The following SGCZ variants were observed in gnomAD, a reference collection of about 807,000 sequenced individuals.
The protein encoded by SGCZ is zeta-sarcoglycan.
SGCZ carries 40 observed loss-of-function variants against 41.3 expected under a neutral mutation model. That is an observed-to-expected ratio of 0.97 (90% CI 0.75 to 1.26). The LOEUF is 1.26. Ranked by LOEUF, SGCZ falls within the 50% of genes most tolerant of loss-of-function variation. The pLI, the probability that SGCZ is intolerant of heterozygous loss-of-function variation, is 0.00. For missense variants in SGCZ, 552 were observed against 369.8 expected (o/e 1.49, Z -4.04); for synonymous variants, 206 against 137.5 (o/e 1.50, Z -3.49).
At chr8:14,819,917 A>C (rs140191783) in intron 1 of SGCZ, among the ~76,000 whole-genome samples, 1 of 152,064 alleles carries the variant, frequency 6.6e-6, no homozygotes, top group Non-Finnish European at 1.5e-5. Flanking sequence ...AAAACCACCA[A>C]ACTACTAAAG....
At chr8:14,951,397 T>C (rs575307586) in intron 1 of SGCZ, among the ~76,000 whole-genome samples, 44 of 152,126 alleles carry the variant, frequency 2.9e-4, no homozygotes, top group African/African-American at 1.0e-3. Context: ...TCAAATTCGT[T>C]GTCAATAGGT....
chr8:15,158,830 G>C (rs1013173728), intron 1 of SGCZ, among the ~76,000 whole-genome samples: 2 of 152,168 alleles, frequency 1.3e-5, no homozygotes, highest in Admixed American at 6.5e-5. Context: ...CAGGGAGAAA[G>C]ATCCTAGAAA....
intron 1 of SGCZ, among the ~76,000 whole-genome samples, chr8:14,669,818 T>A (rs913047939): frequency 6.6e-6 from 1 of 152,026 alleles, no homozygotes; most frequent in Non-Finnish European, 1.5e-5. Flanking sequence ...AGTGCAGATA[T>A]CTCATCGAGA....
At chr8:15,109,141 T>C (rs1472007008) in intron 1 of SGCZ, among the ~76,000 whole-genome samples, 1 of 152,094 alleles carries the variant, frequency 6.6e-6, no homozygotes, top group African/African-American at 2.4e-5. Context: ...AAAACAAATA[T>C]TTGGTAAAAT....
chr8:14,797,505 G>A lies in SGCZ; in HGVS notation c.40-242579C>T, dbSNP rs956785336. On this transcript the variant is annotated intron_variant, in intron 1 of 7. Transcript: ENST00000382080. ...ATCTGGCAGAAGAAATCTCTAAGTG[G>A]CAAAGCATTCAAGAGGATGGCTAGC... 1.2e-4 allele frequency among the ~76,000 whole-genome samples: 19 copies of A among 152,178 alleles called. 1 individual carries two copies. Among genetic ancestry groups the A allele is most frequent in the African/African-American group, 4.6e-4 (19 of 41,440 alleles).
intron 1 of SGCZ, among the ~76,000 whole-genome samples, chr8:14,865,939 T>G (rs2130691121): frequency 6.6e-6 from 1 of 152,234 alleles, no homozygotes; most frequent in African/African-American, 2.4e-5. Context: ...TGTCATTAAT[T>G]TGCCTCTATA....
At chr8:15,087,658 A>G (rs1805999971) in intron 1 of SGCZ, among the ~76,000 whole-genome samples, 1 of 152,078 alleles carries the variant, frequency 6.6e-6, no homozygotes, top group Non-Finnish European at 1.5e-5. Context: ...AATAAGATTG[A>G]TTTTGTTTTC....
At chr8:14,395,486 A>G (rs1345706548) in intron 2 of SGCZ, among the ~76,000 whole-genome samples, 2 of 152,198 alleles carry the variant, frequency 1.3e-5, no homozygotes, top group African/African-American at 2.4e-5. Flanking sequence ...CAATGGCAGA[A>G]TACACTTGGG....
At chr8:14,521,866 AC>A (rs1434635938) in intron 2 of SGCZ, among the ~76,000 whole-genome samples, 4 of 152,118 alleles carry the variant, frequency 2.6e-5, no homozygotes, top group African/African-American at 9.7e-5. Flanking sequence ...TAAATTTTTC[AC>A]CATCAAGCAT....
chr8:14,151,108 A>G (rs1386662877), intron 5 of SGCZ, among the ~76,000 whole-genome samples: 1 of 152,156 alleles, frequency 6.6e-6, no homozygotes, highest in Non-Finnish European at 1.5e-5. Context: ...GACCTGTTTG[A>G]TAGCACAATA....
chr8:14,105,222 T>C (rs778204420), intron 6 of SGCZ, among the ~76,000 whole-genome samples: 3 of 152,062 alleles, frequency 2.0e-5, no homozygotes, highest in Non-Finnish European at 4.4e-5. Flanking sequence ...ACATGGAAAC[T>C]AGCACAGAAC....
intron 1 of SGCZ, among the ~76,000 whole-genome samples, chr8:15,232,870 T>C (rs1379653407): frequency 6.6e-6 from 1 of 150,522 alleles, no homozygotes; most frequent in African/African-American, 2.4e-5. Context: ...AAAAAATGAG[T>C]GATGTGATTA....
chr8:14,946,041 T>C (rs1245670060), intron 1 of SGCZ, among the ~76,000 whole-genome samples: 1 of 117,520 alleles, frequency 8.5e-6, no homozygotes, highest in East Asian at 2.6e-4. Context: ...TATATATATA[T>C]ATATATATAT....
rs141052579 is a variant in SGCZ at position 14,262,324 on chromosome 8, G to T, written c.337-24645C>A. Among the ~76,000 whole-genome samples, 285 of 152,222 alleles carry T rather than the reference G, an allele frequency of 1.9e-3. 9 individuals are homozygous for T. The East Asian group carries it at 0.034, about 18-fold the overall frequency. ...TTCACAATCATTTCAGTTGCCTTAC[G>T]TTGTTTAAATAATTCTGTACAATAG... On this transcript the variant is annotated intron_variant, in intron 3 of 7. Transcript: ENST00000382080.
chr8:14,378,039 A>T (rs968405890), intron 2 of SGCZ, among the ~76,000 whole-genome samples: 1 of 149,528 alleles, frequency 6.7e-6, no homozygotes, highest in Non-Finnish European at 1.5e-5. Context: ...CTTTGGGCAT[A>T]TACCCAGTAA....
At chr8:14,879,678 G>C (rs1030277199) in intron 1 of SGCZ, 2 of 151,568 alleles carry the variant, frequency 1.3e-5, no homozygotes, top group African/African-American at 4.9e-5. Context: ...CTTTCAATAA[G>C]TTTTTTCAGT....
intron 3 of SGCZ, among the ~76,000 whole-genome samples, chr8:14,242,358 A>C (rs1389277561): frequency 6.6e-6 from 1 of 152,206 alleles, no homozygotes; most frequent in Admixed American, 6.5e-5. Context: ...CCAGTTATGA[A>C]GCTTACAATA....
At chr8:14,327,941 C>A (rs1042571465) in intron 2 of SGCZ, among the ~76,000 whole-genome samples, 1 of 152,126 alleles carries the variant, frequency 6.6e-6, no homozygotes, top group African/African-American at 2.4e-5. Flanking sequence ...CTGCCACGCC[C>A]AGATAACTTT....
At chr8:14,275,739 C>T (rs960683583) in intron 3 of SGCZ, among the ~76,000 whole-genome samples, 1 of 152,106 alleles carries the variant, frequency 6.6e-6, no homozygotes, top group Non-Finnish European at 1.5e-5. Context: ...AGATCCCTAC[C>T]GTGCAGGATC....
Sources: allele counts gnomAD v4.1 joint callset (sites outside exome capture counted in the v4.1 genomes callset), GRCh38; gene constraint gnomAD v4.1.1; transcripts MANE v1.5; gene names NCBI Gene and HGNC (gene_info 2026-07-23, HGNC 2026-07-21).